SCN2A: variants seen among roughly 807,000 people sequenced by gnomAD.
The protein encoded by SCN2A is sodium voltage-gated channel alpha subunit 2, also known as sodium channel protein type 2 subunit alpha.
A neutral mutation model predicts 188.7 loss-of-function variants in SCN2A; 20 were observed. The observed-to-expected ratio is 0.11, with a 90% CI of 0.07 to 0.15. The LOEUF is 0.15. SCN2A is among the 10% of genes least tolerant of loss of function. The pLI is 1.00. For missense variants in SCN2A, 1,278 were observed against 2,445.0 expected, an observed-to-expected ratio of 0.52 and a Z score of 10.07; for synonymous variants, 804 against 833.1, an observed-to-expected ratio of 0.97 and a Z score of 0.60.
chr2:165,341,422 G>A (rs1430837140), intron 14 of SCN2A, among the ~76,000 whole-genome samples: 2 of 152,140 alleles, frequency 1.3e-5, no homozygotes, highest in East Asian at 3.9e-4. Context: ...AGGGAGAGAA[G>A]GACTCGGTAA....
intron 25 of SCN2A, among the ~76,000 whole-genome samples, chr2:165,382,447 G>A (rs73969394): frequency 0.014 from 2,061 of 152,128 alleles, 40 homozygotes; most frequent in African/African-American, 0.047. Flanking sequence ...CATAATCTGT[G>A]TCCAACCAGC....
At chr2:165,377,353 G>A (rs1338257134) in intron 22 of SCN2A, among the ~76,000 whole-genome samples, 2 of 151,838 alleles carry the variant, frequency 1.3e-5, no homozygotes, top group Non-Finnish European at 2.9e-5. Context: ...ATAGCATATT[G>A]TTACAGTAGA....
chr2:165,344,027 G>A (rs1446730821), intron 15 of SCN2A, among the ~76,000 whole-genome samples: 1 of 151,988 alleles, frequency 6.6e-6, no homozygotes, highest in Non-Finnish European at 1.5e-5. Flanking sequence ...TATCTGCTTT[G>A]GCCTTTTAAA....
At chr2:165,309,880 C>A (rs555550036) in intron 6 of SCN2A, among the ~76,000 whole-genome samples, 1 of 152,258 alleles carries the variant, frequency 6.6e-6, no homozygotes, top group Non-Finnish European at 1.5e-5. Context: ...TTAACCCATA[C>A]TCAAGCTTGC....
chr2:165,291,254 G>C (rs113428418), intron 1 of SCN2A, among the ~76,000 whole-genome samples: 3,006 of 151,384 alleles, frequency 0.02, 83 homozygotes, highest in African/African-American at 0.063. Context: ...ATGTTGGCCA[G>C]GCTGGTCTTG....
In SCN2A at chr2:165,313,731, T is replaced by C. The variant is rs1333763863; in HGVS notation, c.1146T>C (p.Thr382=). The stretch of plus-strand genomic sequence containing the variant: ...TTTTGTCCTTATTTCGTCTCATGAC[T>C]CAAGACTTCTGGGAAAACCTTTATC... The part of the protein sequence containing the change: ...WAFLSLFRLM[T]QDFWENLYQL... The change falls in exon 9 of 27, where the codon ACT becomes ACC. Residue 382 remains threonine (T), a synonymous_variant. Transcript: ENST00000375437. 29 of 1,613,590 alleles carry C rather than the reference T, an allele frequency of 1.8e-5. No homozygotes were observed. Among genetic ancestry groups the C allele is most frequent in the Non-Finnish European group, 2.4e-5 (28 of 1,179,684 alleles).
chr2:165,308,618 T>C (rs1380534468), intron 4 of SCN2A, 48 bp from the exon 5 acceptor site: 9 of 1,595,628 alleles, frequency 5.6e-6, no homozygotes, highest in Non-Finnish European at 6.9e-6. Flanking sequence ...TATGTACTTG[T>C]AAATTAACCA....
chr2:165,323,461 C>A lies in SCN2A; in HGVS notation c.1977C>A (p.Gly659=). ...ATGGTGTGGTCTCCCTGGTCGGGGG[C>A]CCTTCTACCCTCACATCTGCTGGGC... The part of the protein sequence containing the change: ...DCNGVVSLVG[G]PSTLTSAGQL... Residue 659 remains glycine (G), a synonymous_variant, in exon 12 of 27, where the codon GGC becomes GGA. Coordinates refer to ENST00000375437, the MANE Select transcript of SCN2A (RefSeq NM_001040142.2). 1 of 1,613,798 alleles carries A rather than the reference C, an allele frequency of 6.2e-7. No individual in the cohort carries two copies. The highest frequency in any genetic ancestry group is 8.5e-7 in the Non-Finnish European group (1 of 1,179,854).
chr2:165,370,290 G>C lies in SCN2A; in HGVS notation c.3840G>C (p.Leu1280=), dbSNP rs145025401. ...ATGCCTGGTGCTGGCTAGACTTCCTGATTGTTGATGTGAGTATGCTGCACT... is the reference window on the plus strand; with the variant it reads ...ATGCCTGGTGCTGGCTAGACTTCCTCATTGTTGATGTGAGTATGCTGCACT... ...FTNAWCWLDF[L]IVDVSLVSLT... is the part of the protein sequence containing the mutation. Residue 1280 remains leucine (L), a synonymous_variant, in exon 20 of 27, where the codon CTG becomes CTC. Coordinates refer to ENST00000375437, the MANE Select transcript of SCN2A (RefSeq NM_001040142.2). 4.3e-6 allele frequency: 7 copies of C among 1,613,980 alleles called. No individual in the cohort carries two copies. The African/African-American group carries it at 9.3e-5, about 22-fold the overall frequency.
intron 1 of SCN2A, chr2:165,285,616 C>G (rs1695793042): frequency 4.0e-6 from 1 of 250,426 alleles, no homozygotes; most frequent in South Asian, 6.7e-5. Flanking sequence ...GACTATAACC[C>G]TGTGGCTGCC....
rs1185613299 is a variant in SCN2A, at chr2:165,390,639, T to C, written c.*815T>C. 1 of 152,416 alleles carries C rather than the reference T, an allele frequency of 6.6e-6. No individual in the cohort carries two copies. The highest frequency in any genetic ancestry group is 2.4e-5 in the African/African-American group (1 of 41,404). 9.4% of individuals were successfully genotyped at this position (152,416 alleles called of 1,614,324 possible). On this transcript the variant is annotated 3_prime_UTR_variant, in exon 27 of 27. Coordinates refer to ENST00000375437, the MANE Select transcript of SCN2A (RefSeq NM_001040142.2). ...ATATGTATATGTGCGTGTATATACA[T>C]ATATATGTATACACACATGCACACA...
Position 165,310,903 on chromosome 2 carries a change from A to G in SCN2A, c.970+308A>G, listed in dbSNP as rs12613774. Among the ~76,000 whole-genome samples, 3 of 152,154 alleles carry G rather than the reference A, an allele frequency of 2.0e-5. No homozygotes were observed. In the East Asian group the frequency reaches 5.8e-4, roughly 29 times the overall value. On this transcript the variant is annotated intron_variant, in intron 7 of 26. Coordinates refer to ENST00000375437, the MANE Select transcript of SCN2A (RefSeq NM_001040142.2). Reference sequence around the variant, plus strand: ...TCAGGTTTTTCAGTCATTTTAATAAATAAGTCAGTAGTTTGAACTATTCAG... The same window carrying G: ...TCAGGTTTTTCAGTCATTTTAATAAGTAAGTCAGTAGTTTGAACTATTCAG...
intron 1 of SCN2A, among the ~76,000 whole-genome samples, chr2:165,247,153 C>T (rs949197858): frequency 6.6e-6 from 1 of 152,178 alleles, no homozygotes; most frequent in Admixed American, 6.6e-5. Flanking sequence ...CTTACTTACA[C>T]AAGGGCATCT....
At chr2:165,291,491 T>TTTCTTTCTTTTCTTTCTTTCTTTTC (rs1389976633) in intron 1 of SCN2A, among the ~76,000 whole-genome samples, 3 of 38,834 alleles carry the variant, frequency 7.7e-5, no homozygotes, top group Admixed American at 7.1e-4. Flanking sequence ...TCTTTCTTTC[T>TTTCTTTCTTTTCTTTCTTTCTTTTC]TTTCTTTCTT....
At chr2:165,284,156 T>C (rs1244543901) in intron 1 of SCN2A, among the ~76,000 whole-genome samples, 1 of 152,036 alleles carries the variant, frequency 6.6e-6, no homozygotes, top group Non-Finnish European at 1.5e-5. Context: ...CATTGTTTTA[T>C]TATTATTTAA....
intron 3 of SCN2A, among the ~76,000 whole-genome samples, chr2:165,298,201 T>C (rs572028511): frequency 6.6e-6 from 1 of 152,326 alleles, no homozygotes; most frequent in South Asian, 2.1e-4. Context: ...AATTCCATGA[T>C]GTGGTTAGCC....
chr2:165,264,774 C>T (rs1694764861), intron 1 of SCN2A, among the ~76,000 whole-genome samples: 2 of 152,074 alleles, frequency 1.3e-5, no homozygotes, highest in South Asian at 4.1e-4. Flanking sequence ...GTGCTCCAAC[C>T]ATGTCCTTGA....
intron 12 of SCN2A, 123 bp from the exon 13 acceptor site, chr2:165,326,729 G>A: frequency 8.9e-7 from 1 of 1,118,500 alleles, no homozygotes; most frequent in East Asian, 2.4e-5. Context: ...CAATATCTTA[G>A]TGAGCTTTTT....
chr2:165,337,385 T>C (rs1699058790), intron 14 of SCN2A, among the ~76,000 whole-genome samples: 1 of 151,950 alleles, frequency 6.6e-6, no homozygotes, highest in African/African-American at 2.4e-5. Context: ...ATAGAAAGAA[T>C]GGAACAGAGC....
Sources: allele counts gnomAD v4.1 joint callset (sites outside exome capture counted in the v4.1 genomes callset), GRCh38; gene constraint gnomAD v4.1.1; transcripts MANE v1.5; gene names NCBI Gene and HGNC (gene_info 2026-07-23, HGNC 2026-07-21).